Variants in MALRD1 observed in about 807,000 individuals in gnomAD.
The protein encoded by MALRD1 is MAM and LDL-receptor class A domain-containing protein 1.
Under a neutral mutation model 242.1 loss-of-function variants are expected in MALRD1, and 247 were observed. The ratio of observed to expected loss-of-function variants is 1.02; its 90% CI spans 0.92 to 1.13. The LOEUF (loss-of-function observed/expected upper bound fraction) is 1.13. Ranked by LOEUF, MALRD1 falls within the 50% of genes most tolerant of loss-of-function variation. MALRD1 has a pLI of 0.00. For synonymous variants in MALRD1, 995 were observed against 866.6 expected (o/e 1.15, Z -2.60); for missense variants, 2,989 against 2,533.1 (o/e 1.18, Z -3.86).
intron 28 of MALRD1, among the ~76,000 whole-genome samples, chr10:19,440,923 A>T (rs9703342): frequency 0.7 from 106,067 of 150,970 alleles, 37,274 homozygotes; most frequent in Non-Finnish European, 0.74. Flanking sequence ...CACCACACTG[A>T]CTTCCACAAT....
chr10:19,405,434 T>A (rs1157885396), intron 28 of MALRD1, among the ~76,000 whole-genome samples: 1 of 152,154 alleles, frequency 6.6e-6, no homozygotes. Context: ...TGGCCATCGA[T>A]TATTCTGTTC....
At chr10:19,704,349 T>G (rs1833762210) in intron 38 of MALRD1, among the ~76,000 whole-genome samples, 1 of 152,162 alleles carries the variant, frequency 6.6e-6, no homozygotes, top group African/African-American at 2.4e-5. Flanking sequence ...CAGTTTCTGG[T>G]GAGGACCCTC....
chr10:19,533,415 T>C (rs1046081863), intron 32 of MALRD1, among the ~76,000 whole-genome samples: 7 of 152,300 alleles, frequency 4.6e-5, no homozygotes, highest in African/African-American at 9.6e-5. Context: ...CAGCATGATA[T>C]TGATTTTTCT....
chr10:19,450,521 A>G, intron 29 of MALRD1, 31 bp downstream of exon 29: 1 of 1,524,118 alleles, frequency 6.6e-7, no homozygotes, highest in Non-Finnish European at 8.8e-7. Context: ...TCCATTTGGA[A>G]GCACATTTTT....
chr10:19,655,490 G>A, intron 36 of MALRD1, among the ~76,000 whole-genome samples: 1 of 143,236 alleles, frequency 7.0e-6, no homozygotes. Flanking sequence ...ATGTGTATGT[G>A]TACATATATA....
intron 32 of MALRD1, among the ~76,000 whole-genome samples, chr10:19,551,134 A>C (rs1835451812): frequency 6.6e-6 from 1 of 152,028 alleles, no homozygotes; most frequent in Non-Finnish European, 1.5e-5. Context: ...GTCTGTTCAT[A>C]TCCTTTGCAC....
intron 15 of MALRD1, 43 bp from the exon 16 acceptor site, chr10:19,204,265 A>G (rs1204081065): frequency 4.1e-6 from 5 of 1,227,648 alleles, no homozygotes; most frequent in Non-Finnish European, 4.5e-6. Context: ...TTTAGAATCC[A>G]ATAGGTTAAT....
intron 31 of MALRD1, among the ~76,000 whole-genome samples, chr10:19,527,161 A>C (rs893138984): frequency 2.6e-5 from 4 of 152,120 alleles, no homozygotes; most frequent in African/African-American, 7.2e-5. Flanking sequence ...GAAATATCTC[A>C]ATTTTGTTTT....
intron 32 of MALRD1, among the ~76,000 whole-genome samples, chr10:19,541,090 CTTA>C (rs1834948240): frequency 6.6e-6 from 1 of 152,124 alleles, no homozygotes; most frequent in Non-Finnish European, 1.5e-5. Flanking sequence ...AAAATGCAAT[CTTA>C]TTATGAAAGT....
intron 21 of MALRD1, among the ~76,000 whole-genome samples, chr10:19,295,313 T>C (rs1841644009): frequency 6.6e-6 from 1 of 152,126 alleles, no homozygotes; most frequent in African/African-American, 2.4e-5. Flanking sequence ...TGTCTGTCTT[T>C]CTATGTGCTT....
chr10:19,055,114 C>G (rs1157064384), intron 1 of MALRD1, among the ~76,000 whole-genome samples: 1 of 152,088 alleles, frequency 6.6e-6, no homozygotes, highest in East Asian at 1.9e-4. Context: ...GAGATTATAT[C>G]TCATTGTGGT....
intron 24 of MALRD1, among the ~76,000 whole-genome samples, chr10:19,341,509 T>TAC (rs1843867623): frequency 1.6e-5 from 2 of 128,302 alleles, no homozygotes. Flanking sequence ...TATGTATATA[T>TAC]ATGTGTGTAT....
chr10:19,632,980 C>T (rs1173372570), intron 36 of MALRD1, among the ~76,000 whole-genome samples: 1 of 152,004 alleles, frequency 6.6e-6, no homozygotes, highest in Non-Finnish European at 1.5e-5. Context: ...GCCTGAAATC[C>T]CAACACTTTG....
intron 21 of MALRD1, among the ~76,000 whole-genome samples, chr10:19,320,580 A>G (rs1312535096): frequency 1.3e-5 from 2 of 152,152 alleles, no homozygotes; most frequent in East Asian, 3.9e-4. Context: ...CTTTGGGTAA[A>G]TACCCAGTAA....
intron 35 of MALRD1, among the ~76,000 whole-genome samples, chr10:19,613,375 A>G (rs1482561086): frequency 6.6e-6 from 1 of 151,980 alleles, no homozygotes; most frequent in Admixed American, 6.6e-5. Flanking sequence ...TTCCTTTAAA[A>G]ATCTTAATTC....
At chr10:19,118,885 A>G (rs1478947267) in intron 5 of MALRD1, among the ~76,000 whole-genome samples, 2 of 152,196 alleles carry the variant, frequency 1.3e-5, no homozygotes, top group African/African-American at 4.8e-5. Context: ...TAAGGCATTG[A>G]TGTTTACTTC....
intron 29 of MALRD1, among the ~76,000 whole-genome samples, chr10:19,460,337 A>G (rs141215621): frequency 3.7e-4 from 56 of 152,290 alleles, no homozygotes; most frequent in Non-Finnish European, 7.6e-4. Flanking sequence ...ACAGTTAACA[A>G]CCAAATCTAC....
At chr10:19,196,016 T>A (rs1836226075) in intron 14 of MALRD1, among the ~76,000 whole-genome samples, 1 of 152,170 alleles carries the variant, frequency 6.6e-6, no homozygotes, top group Non-Finnish European at 1.5e-5. Flanking sequence ...AAAAGAACTT[T>A]TAGAAGTTCC....
rs143716765 is a variant in MALRD1 at position 19,260,510 on chromosome 10, A to G, written c.3079+2739A>G. Among the ~76,000 whole-genome samples, 736 of 152,300 alleles carry G rather than the reference A, an allele frequency of 4.8e-3. 5 individuals are homozygous for G. Among genetic ancestry groups the G allele is most frequent in the African/African-American group, 0.017 (702 of 41,574 alleles). On this transcript the variant is annotated intron_variant, in intron 19 of 39. Coordinates refer to ENST00000454679, the MANE Select transcript of MALRD1 (RefSeq NM_001142308.3). The stretch of plus-strand genomic sequence containing the variant: ...GTCTGTTCATGTTCATTAGCCATTG[A>G]TCAGATCCTAACAATGGGGCAGAGA...
Sources: allele counts gnomAD v4.1 joint callset (sites outside exome capture counted in the v4.1 genomes callset), GRCh38; gene constraint gnomAD v4.1.1; transcripts MANE v1.5; gene names NCBI Gene and HGNC (gene_info 2026-07-23, HGNC 2026-07-21).